The following PKIB variants were observed in gnomAD, a reference collection of about 807,000 sequenced individuals.
PKIB encodes PKI-beta.
Under a neutral mutation model 4.5 loss-of-function variants are expected in PKIB, and 2 were observed. The ratio of observed to expected loss-of-function variants is 0.44; its 90% CI spans 0.18 to 1.39. The LOEUF (loss-of-function observed/expected upper bound fraction) is 1.39. PKIB is among the 40% of genes most tolerant of loss of function. PKIB has a pLI of 0.27. For missense variants in PKIB, 94 were observed against 92.6 expected (o/e 1.02, Z -0.06); for synonymous variants, 38 against 36.0 (o/e 1.06, Z -0.20).
At chr6:122,708,987 G>A (rs1349747110) in intron 3 of PKIB, among the ~76,000 whole-genome samples, 4 of 152,104 alleles carry the variant, frequency 2.6e-5, no homozygotes, top group Non-Finnish European at 4.4e-5. Flanking sequence ...CTAGAGCCAC[G>A]TCAACACTGT....
chr6:122,684,035 T>C (rs960295942), intron 3 of PKIB, among the ~76,000 whole-genome samples: 3 of 152,298 alleles, frequency 2.0e-5, no homozygotes, highest in East Asian at 1.9e-4. Flanking sequence ...AAGACAATTC[T>C]ATTAAGTATG....
At chr6:122,667,502 A>T (rs1582793407) in intron 2 of PKIB, among the ~76,000 whole-genome samples, 2 of 150,452 alleles carry the variant, frequency 1.3e-5, no homozygotes, top group Admixed American at 1.3e-4. Context: ...ACGCCACTGC[A>T]CTCCAGCCTG....
intron 2 of PKIB, among the ~76,000 whole-genome samples, chr6:122,553,807 C>T (rs903553906): frequency 6.6e-6 from 1 of 152,074 alleles, no homozygotes; most frequent in Non-Finnish European, 1.5e-5. Flanking sequence ...AAAGATTAAA[C>T]AGTAGGATGA....
intron 2 of PKIB, among the ~76,000 whole-genome samples, chr6:122,649,700 A>AT (rs1198450635): frequency 6.6e-6 from 1 of 152,182 alleles, no homozygotes; most frequent in Non-Finnish European, 1.5e-5. Context: ...GGCAGCTTAG[A>AT]TTTCATAGTA....
At chr6:122,576,719 T>TG (rs1773554247) in intron 2 of PKIB, among the ~76,000 whole-genome samples, 1 of 139,532 alleles carries the variant, frequency 7.2e-6, no homozygotes, top group Non-Finnish European at 1.5e-5. Flanking sequence ...TATTTTCTTT[T>TG]GTATAATTAT....
chr6:122,720,771 G>T (rs1446266203), intron 4 of PKIB, among the ~76,000 whole-genome samples: 1 of 151,654 alleles, frequency 6.6e-6, no homozygotes, highest in Non-Finnish European at 1.5e-5. Context: ...GCGTCATCTT[G>T]GTTCGCTTCA....
At chr6:122,688,945 T>G (rs1778209017) in intron 3 of PKIB, among the ~76,000 whole-genome samples, 4 of 151,886 alleles carry the variant, frequency 2.6e-5, no homozygotes, top group African/African-American at 9.7e-5. Context: ...CACGCCCGTC[T>G]AATTTTTTTT....
chr6:122,506,896 T>C (rs918741338), intron 2 of PKIB, among the ~76,000 whole-genome samples: 2 of 151,220 alleles, frequency 1.3e-5, no homozygotes, highest in Admixed American at 1.3e-4. Context: ...AGAGACGGGG[T>C]TTCACCGTGT....
chr6:122,574,186 A>G (rs962419636), intron 2 of PKIB, among the ~76,000 whole-genome samples: 22 of 152,184 alleles, frequency 1.4e-4, no homozygotes, highest in Non-Finnish European at 2.5e-4. Context: ...AAAAATAAAA[A>G]TAAGAACACA....
intron 3 of PKIB, among the ~76,000 whole-genome samples, chr6:122,601,292 G>A (rs1000616185): frequency 6.6e-6 from 1 of 151,882 alleles, no homozygotes; most frequent in African/African-American, 2.4e-5. Flanking sequence ...TAGGCCTCAA[G>A]TTTGTCAAGA....
chr6:122,534,124 C>T (rs1426951628), intron 2 of PKIB, among the ~76,000 whole-genome samples: 2 of 148,772 alleles, frequency 1.3e-5, no homozygotes, highest in African/African-American at 4.9e-5. Flanking sequence ...AATCTATGCC[C>T]AGGTTCTGGT....
intron 1 of PKIB, among the ~76,000 whole-genome samples, chr6:122,476,452 T>C (rs933769380): frequency 1.3e-5 from 2 of 152,150 alleles, no homozygotes; most frequent in African/African-American, 4.8e-5. Flanking sequence ...GTGTCAAATG[T>C]ACAAAAACTC....
At chr6:122,651,021 C>A (rs1776532572) in intron 2 of PKIB, among the ~76,000 whole-genome samples, 2 of 152,086 alleles carry the variant, frequency 1.3e-5, no homozygotes, top group African/African-American at 4.8e-5. Flanking sequence ...GGGATGATAT[C>A]AATAAATTCA....
At chr6:122,651,572 T>C (rs1164802233) in intron 2 of PKIB, among the ~76,000 whole-genome samples, 1 of 152,164 alleles carries the variant, frequency 6.6e-6, no homozygotes. Flanking sequence ...TGTCACAAGT[T>C]TGAGTGGGAT....
chr6:122,594,182 A>G (rs1010772143), intron 3 of PKIB, among the ~76,000 whole-genome samples: 4 of 152,068 alleles, frequency 2.6e-5, no homozygotes, highest in African/African-American at 9.7e-5. Flanking sequence ...TATGTTACAT[A>G]ATAAAGGAGA....
intron 2 of PKIB, among the ~76,000 whole-genome samples, chr6:122,522,158 A>G (rs900444231): frequency 6.6e-6 from 1 of 150,644 alleles, no homozygotes; most frequent in African/African-American, 2.4e-5. Flanking sequence ...CAAAAAAAAA[A>G]CATAAAGCGA....
chr6:122,710,317 AAC>A (rs1467618386), intron 3 of PKIB, among the ~76,000 whole-genome samples: 1 of 152,104 alleles, frequency 6.6e-6, no homozygotes, highest in Admixed American at 6.6e-5. Context: ...GTAAACCCCC[AAC>A]ACAGACGGCC....
intron 3 of PKIB, among the ~76,000 whole-genome samples, chr6:122,586,543 G>A (rs183329999): frequency 6.6e-6 from 1 of 152,212 alleles, no homozygotes; most frequent in African/African-American, 2.4e-5. Flanking sequence ...GTGCTAAAGA[G>A]CAGAAATCTT....
At chr6:122,612,087 C>T (rs1356945413) in intron 1 of PKIB, among the ~76,000 whole-genome samples, 1 of 152,078 alleles carries the variant, frequency 6.6e-6, no homozygotes, top group African/African-American at 2.4e-5. Flanking sequence ...TGTCAAATTT[C>T]ATTTTTGTTA....
Sources: allele counts gnomAD v4.1 joint callset (sites outside exome capture counted in the v4.1 genomes callset), GRCh38; gene constraint gnomAD v4.1.1; transcripts MANE v1.5; gene names NCBI Gene and HGNC (gene_info 2026-07-23, HGNC 2026-07-21).